LRRC4C: variants seen among roughly 807,000 people sequenced by gnomAD.
LRRC4C encodes leucine-rich repeat-containing protein 4C.
In LRRC4C, 5 loss-of-function variants were observed where a neutral mutation model predicts 33.6. The ratio of observed to expected loss-of-function variants is 0.15; its 90% confidence interval spans 0.08 to 0.31. The LOEUF is 0.31. Ranked by LOEUF, LRRC4C falls within the 10% of genes least tolerant of loss-of-function variation. LRRC4C has a pLI of 1.00. For synonymous variants in LRRC4C, 329 were observed against 302.0 expected, an observed-to-expected ratio of 1.09 and a Z score of -0.93; for missense variants, 560 against 796.7, an observed-to-expected ratio of 0.70 and a Z score of 3.58.
intron 3 of LRRC4C, among the ~76,000 whole-genome samples, chr11:40,409,628 A>C (rs2137623749): frequency 6.6e-6 from 1 of 152,206 alleles, no homozygotes; most frequent in Non-Finnish European, 1.5e-5. Context: ...GGTATGTATA[A>C]AAATGCTCAA....
chr11:40,297,357 T>G (rs1944563435), intron 4 of LRRC4C, among the ~76,000 whole-genome samples: 1 of 152,206 alleles, frequency 6.6e-6, no homozygotes. Context: ...CTTGCCTGTA[T>G]AGTCACACGT....
At chr11:40,248,692 C>A (rs974104725) in intron 4 of LRRC4C, among the ~76,000 whole-genome samples, 5 of 152,080 alleles carry the variant, frequency 3.3e-5, no homozygotes, top group Middle Eastern at 6.8e-3. Context: ...CAGAGTAAGA[C>A]CCTGTCTTGA....
At chr11:40,258,103 A>G (rs1288041152) in intron 4 of LRRC4C, among the ~76,000 whole-genome samples, 1 of 152,110 alleles carries the variant, frequency 6.6e-6, no homozygotes, top group Non-Finnish European at 1.5e-5. Context: ...ATTCACCAGT[A>G]TGTTTTATTT....
At position 40,926,037 on chromosome 11, in the gene LRRC4C, G is replaced by GT. The variant is rs200866594; in HGVS notation, c.-407+7597dup. 3.2e-3 allele frequency among the ~76,000 whole-genome samples: 468 copies of GT among 144,070 alleles called. 6 individuals are homozygous for GT. Among genetic ancestry groups the GT allele is most frequent in the East Asian group, 0.011 (54 of 4,902 alleles). 94.5% of individuals were successfully genotyped at this position (144,070 alleles called of 152,430 possible). A position where few individuals can be genotyped will look rare whatever the true frequency, so the allele number is the denominator to read the frequency against. On this transcript the variant is annotated intron_variant, in intron 2 of 6. Coordinates refer to ENST00000528697, the MANE Select transcript of LRRC4C (RefSeq NM_001258419.2). ...GTTCTAATAACACCTGCTAAAAGGTGTTTTTTTTTTTTAAGTCCAAATCTA... is the reference window on the plus strand; with the variant it reads ...GTTCTAATAACACCTGCTAAAAGGTGTTTTTTTTTTTTTAAGTCCAAATCTA...
At chr11:40,322,456 G>C (rs1016503371) in intron 3 of LRRC4C, among the ~76,000 whole-genome samples, 3 of 152,052 alleles carry the variant, frequency 2.0e-5, no homozygotes, top group African/African-American at 7.2e-5. Flanking sequence ...ATGTTGGCCA[G>C]GCTGGTCTCA....
chr11:41,034,865 G>A (rs928828679), intron 1 of LRRC4C, among the ~76,000 whole-genome samples: 6 of 149,528 alleles, frequency 4.0e-5, no homozygotes, highest in Admixed American at 3.3e-4. Context: ...TTCCTTCATG[G>A]TTTCATGAAG....
At position 41,083,544 on chromosome 11, in the gene LRRC4C, G is replaced by A. The variant is rs190480966; in HGVS notation, c.-495-149821C>T. Among the ~76,000 whole-genome samples, 90 of 152,268 alleles carry A rather than the reference G, an allele frequency of 5.9e-4. 1 individual carries two copies. Among genetic ancestry groups the A allele is most frequent in the Non-Finnish European group, 1.1e-3 (78 of 68,020 alleles). On this transcript the variant is annotated intron_variant, in intron 1 of 6. Transcript: ENST00000528697. ...TTGCTGCATCCTGAGAGTCCATGTG[G>A]ATGATACAGCTAGGGAGGAAGACCC... is the stretch of plus-strand genomic sequence containing the variant.
chr11:41,360,228 C>T (rs1054163276), intron 1 of LRRC4C, among the ~76,000 whole-genome samples: 2 of 152,046 alleles, frequency 1.3e-5, no homozygotes, highest in Non-Finnish European at 2.9e-5. Context: ...CAAGTTTTAT[C>T]TAGGCATCTC....
At chr11:40,505,728 G>C (rs1955000645) in intron 3 of LRRC4C, among the ~76,000 whole-genome samples, 1 of 152,112 alleles carries the variant, frequency 6.6e-6, no homozygotes, top group Non-Finnish European at 1.5e-5. Flanking sequence ...TGCTTTACTA[G>C]GTTTGGAGTA....
At chr11:40,517,321 C>T (rs1365434730) in intron 3 of LRRC4C, among the ~76,000 whole-genome samples, 1 of 152,090 alleles carries the variant, frequency 6.6e-6, no homozygotes, top group Non-Finnish European at 1.5e-5. Context: ...TTTCCAGTGT[C>T]CTGTTTGGCA....
At chr11:41,441,232 G>C (rs558649467) in intron 1 of LRRC4C, among the ~76,000 whole-genome samples, 109 of 152,270 alleles carry the variant, frequency 7.2e-4, no homozygotes, top group Non-Finnish European at 1.4e-3. Context: ...CCAGAATGAG[G>C]AACTGAGGCT....
intron 3 of LRRC4C, among the ~76,000 whole-genome samples, chr11:40,470,153 G>T (rs1952857700): frequency 6.6e-6 from 1 of 152,136 alleles, no homozygotes; most frequent in African/African-American, 2.4e-5. Flanking sequence ...CATCTGGTGG[G>T]TGCCCCTCTG....
At chr11:40,926,705 G>A (rs1957418995) in intron 2 of LRRC4C, among the ~76,000 whole-genome samples, 1 of 151,522 alleles carries the variant, frequency 6.6e-6, no homozygotes, top group Admixed American at 6.6e-5. Flanking sequence ...TAAGTTCCAG[G>A]GTACTTCTAA....
chr11:40,413,277 A>C (rs1484012635), intron 3 of LRRC4C, among the ~76,000 whole-genome samples: 1 of 152,032 alleles, frequency 6.6e-6, no homozygotes, highest in Non-Finnish European at 1.5e-5. Context: ...TTTGGACTGC[A>C]TCAGACAAGG....
chr11:40,998,914 C>T (rs1854167601), intron 1 of LRRC4C, among the ~76,000 whole-genome samples: 1 of 152,088 alleles, frequency 6.6e-6, no homozygotes, highest in Admixed American at 6.6e-5. Flanking sequence ...TAATATCTCC[C>T]TCCTTTCCCG....
intron 4 of LRRC4C, among the ~76,000 whole-genome samples, chr11:40,307,220 C>A (rs546190168): frequency 2.6e-5 from 4 of 152,022 alleles, no homozygotes; most frequent in African/African-American, 7.2e-5. Context: ...TCCTCCCCAC[C>A]GCTCCACTGA....
At chr11:40,877,780 A>G (rs930418762) in intron 2 of LRRC4C, among the ~76,000 whole-genome samples, 1 of 152,150 alleles carries the variant, frequency 6.6e-6, no homozygotes, top group Non-Finnish European at 1.5e-5. Context: ...AACAACAACA[A>G]CAAACTCCAA....
chr11:41,116,791 A>C (rs1407111444), intron 1 of LRRC4C, among the ~76,000 whole-genome samples: 1 of 152,168 alleles, frequency 6.6e-6, no homozygotes, highest in Non-Finnish European at 1.5e-5. Context: ...TAAGTTATTG[A>C]CATTATTCAG....
At chr11:40,286,675 G>C (rs1037894203) in intron 4 of LRRC4C, among the ~76,000 whole-genome samples, 1 of 152,152 alleles carries the variant, frequency 6.6e-6, no homozygotes, top group African/African-American at 2.4e-5. Flanking sequence ...CAATTATTGA[G>C]TGCCAGTCAT....
Sources: allele counts gnomAD v4.1 joint callset (sites outside exome capture counted in the v4.1 genomes callset), GRCh38; gene constraint gnomAD v4.1.1; transcripts MANE v1.5; gene names NCBI Gene and HGNC (gene_info 2026-07-23, HGNC 2026-07-21).